The following PTCH1 variants were observed in gnomAD, a reference collection of about 807,000 sequenced individuals.
PTCH1 encodes protein patched homolog 1.
A neutral mutation model predicts 144.6 loss-of-function variants in PTCH1; 14 were observed. The ratio of observed to expected loss-of-function variants is 0.10; its 90% CI spans 0.06 to 0.15. PTCH1 has a LOEUF of 0.15. Among genes scored for constraint, PTCH1 ranks in the 10% least tolerant of loss-of-function variants. The pLI, the probability that PTCH1 is intolerant of heterozygous loss-of-function variation, is 1.00. For synonymous variants in PTCH1, 833 were observed against 793.6 expected (o/e 1.05, Z -0.83); for missense variants, 1,623 against 1,948.3 (o/e 0.83, Z 3.14).
Position 95,445,438 on chromosome 9 carries a change from T to C in PTCH1, c.*955A>G, listed in dbSNP as rs1837801722. 1 of 152,156 alleles carries C rather than the reference T, an allele frequency of 6.6e-6. No individual in the cohort carries two copies. Among genetic ancestry groups the C allele is most frequent in the Non-Finnish European group, 1.5e-5 (1 of 68,062 alleles). 9.4% of individuals were successfully genotyped at this position (152,156 alleles called of 1,614,324 possible). A position where few individuals can be genotyped will look rare whatever the true frequency, so the allele number is the denominator to read the frequency against. ...CCGAATTCTCTAACACCCACCATGA[T>C]GAACTGATGTGAGCTCCATACCCTG... On this transcript the variant is annotated 3_prime_UTR_variant, in exon 24 of 24. Transcript: ENST00000331920.
At position 95,456,430 on chromosome 9, in the gene PTCH1, A is replaced by G. The variant is rs375034864; in HGVS notation, c.3169-17T>C. On this transcript the variant is annotated splice_polypyrimidine_tract_variant and intron_variant, in intron 18 of 23. Transcript: ENST00000331920. ...GACCATCACCTGGAGCAGGGCACAC[A>G]GTGGTCAGTGGGCGGGCAGGTCACC... is the stretch of plus-strand genomic sequence containing the variant. The G allele has an allele frequency of 1.2e-6, 2 of 1,613,190 alleles. No homozygotes were observed. The highest frequency in any genetic ancestry group is 3.3e-5 in the Admixed American group (2 of 59,960).
intron 8 of PTCH1, 29 bp downstream of exon 8, chr9:95,478,971 T>C: frequency 6.2e-7 from 1 of 1,614,016 alleles, no homozygotes; most frequent in Non-Finnish European, 8.5e-7. Flanking sequence ...AACCAGCGAG[T>C]CTGCACGCCG....
upstream of PTCH1, among the ~76,000 whole-genome samples, chr9:95,511,827 T>G (rs1487100576): frequency 6.6e-6 from 1 of 152,236 alleles, no homozygotes; most frequent in Non-Finnish European, 1.5e-5. Flanking sequence ...TGGAAATTGC[T>G]TTTTAAAAAC....
Position 95,468,890 on chromosome 9 carries a change from C to T in PTCH1, c.2111G>A (p.Ser704Asn), listed in dbSNP as rs2118036795. The T allele has an allele frequency of 6.2e-7, 1 of 1,614,124 alleles. No individual in the cohort carries two copies. Among genetic ancestry groups the T allele is most frequent in the South Asian group, 1.1e-5 (1 of 91,062 alleles). The change falls in exon 14 of 24, where the codon AGC (serine) becomes AAC (asparagine). Residue 704 changes from serine to asparagine, a missense_variant. Around this residue, in one of 7 missense-constraint regions of PTCH1, gnomAD observed 179 missense variants for 165.7 expected, o/e 1.08. Coordinates refer to ENST00000331920, the MANE Select transcript of PTCH1 (RefSeq NM_000264.5). ...GAGCAGGTCCCTTGTGGAGCTGGTG[C>T]TCTCTGGGCTCTGGCAGCTGAGGGT... ...QDTLSCQSPESTSSTRDLLSQ... is the reference protein window; with the variant it reads ...QDTLSCQSPENTSSTRDLLSQ...
rs951182284 is a variant in PTCH1, at chr9:95,503,644, A to G, written c.394+2763T>C. Among the ~76,000 whole-genome samples, 6 of 152,338 alleles carry G rather than the reference A, an allele frequency of 3.9e-5. No individual in the cohort carries two copies. The East Asian group carries it at 5.8e-4, about 15-fold the overall frequency. Reference sequence around the variant, plus strand: ...AGTAGGCAAAGTAGACCTGGAGACAAACAGACAACCCATAGTTTCCCATCT... The same window carrying G: ...AGTAGGCAAAGTAGACCTGGAGACAGACAGACAACCCATAGTTTCCCATCT... On this transcript the variant is annotated intron_variant, in intron 2 of 23. Transcript: ENST00000331920.
rs1841087687 is a variant in PTCH1, at chr9:95,476,906, C to T, written c.1504-49G>A. On this transcript the variant is annotated intron_variant, in intron 10 of 23. Transcript: ENST00000331920. This position sits in a 1 kb window ranked among gnomAD's most constrained non-coding sequence, Gnocchi z 4.6. ...GGCATTAGACATGCGAGATGCAATT[C>T]AGATGATTCTAAAGCTAGTTAGGAC... 6.4e-7 allele frequency: 1 copy of T among 1,559,564 alleles called. No individual in the cohort carries two copies. The highest frequency in any genetic ancestry group is 2.3e-5 in the East Asian group (1 of 43,500).
rs970602423 is a variant in PTCH1, at chr9:95,496,910, C to G, written c.394+9497G>C. On this transcript the variant is annotated intron_variant, in intron 2 of 23. Transcript: ENST00000331920. ...GGTTGCTGGTTTCCCAGTAAAGGAG[C>G]AGAGGAAATCAGGGAGTGGGGGTGG... 5.3e-5 allele frequency among the ~76,000 whole-genome samples: 8 copies of G among 149,856 alleles called. No individual in the cohort carries two copies. In the South Asian group the frequency reaches 1.7e-3, roughly 32 times the overall value.
chr9:95,466,681 A>C (rs988499836), intron 15 of PTCH1, among the ~76,000 whole-genome samples: 1 of 152,226 alleles, frequency 6.6e-6, no homozygotes, highest in African/African-American at 2.4e-5. Context: ...TGGTCAAAAT[A>C]TGGAGTGTAA....
chr9:95,509,250 A>C lies in PTCH1; in HGVS notation c.-889T>G, dbSNP rs1212085865. On this transcript the variant is annotated 5_prime_UTR_variant, in exon 1 of 24. Transcript: ENST00000331920. ...CTCCATTTGGAGAAAGAAGAGGAGG[A>C]GGGGAGGGGAGGGGGTGGAGGGGGA... is the stretch of plus-strand genomic sequence containing the variant. Among the ~76,000 whole-genome samples the C allele has an allele frequency of 3.4e-5, 1 of 29,272 alleles. No individual in the cohort carries two copies. Among genetic ancestry groups the C allele is most frequent in the Non-Finnish European group, 6.4e-5 (1 of 15,638 alleles). 19.2% of individuals were successfully genotyped at this position (29,272 alleles called of 152,430 possible).
intron 7 of PTCH1, 149 bp downstream of exon 7, chr9:95,479,820 A>G (rs1203471702): frequency 7.7e-7 from 1 of 1,306,556 alleles, no homozygotes; most frequent in Non-Finnish European, 1.1e-6. Context: ...GTCTGCTACT[A>G]TTTCTTAATA....
chr9:95,469,495 T>C (rs1030069926), intron 13 of PTCH1, among the ~76,000 whole-genome samples: 1 of 152,214 alleles, frequency 6.6e-6, no homozygotes, highest in African/African-American at 2.4e-5. Flanking sequence ...GATGGGTGTT[T>C]TTCAATCTTG....
chr9:95,516,772 T>G (rs763511877), exon 1 of PTCH1: 23 of 1,612,338 alleles, frequency 1.4e-5, no homozygotes, highest in East Asian at 2.2e-5. Flanking sequence ...TTCGGCGGAG[T>G]GCAGCGCGGA....
At chr9:95,478,584 T>A (rs1841278262) in intron 8 of PTCH1, among the ~76,000 whole-genome samples, 1 of 152,310 alleles carries the variant, frequency 6.6e-6, no homozygotes, top group South Asian at 2.1e-4. Flanking sequence ...TGCTGGCCAC[T>A]TTTAAAAGGT....
At position 95,481,887 on chromosome 9, in the gene PTCH1, A is replaced by G. The variant is rs1191056462; in HGVS notation, c.746+62T>C. ...GAAATGGAACAAACAATGATAAGCA[A>G]CATTAGAAACACTGAGTCCTAGAGA... On this transcript the variant is annotated intron_variant, in intron 5 of 23. Transcript: ENST00000331920. 29 of 1,377,074 alleles carry G rather than the reference A, an allele frequency of 2.1e-5. No individual in the cohort carries two copies. The Admixed American group carries it at 4.6e-4, about 22-fold the overall frequency. 85.3% of individuals were successfully genotyped at this position (1,377,074 alleles called of 1,614,324 possible).
rs1838940713 is a variant in PTCH1 at position 95,456,473 on chromosome 9, A to G, written c.3169-60T>C. 2.5e-6 allele frequency: 4 copies of G among 1,596,288 alleles called. No individual in the cohort carries two copies. The East Asian group carries it at 9.0e-5, about 36-fold the overall frequency. ...AGGTCACCCTCTGGGGCTGCCCACAAGGGAGGTCGCCAGAGGGCTAAGGTG... is the reference window on the plus strand; with the variant it reads ...AGGTCACCCTCTGGGGCTGCCCACAGGGGAGGTCGCCAGAGGGCTAAGGTG... On this transcript the variant is annotated intron_variant, in intron 18 of 23. Transcript: ENST00000331920.
chr9:95,507,550 G>A (rs1359216506), intron 1 of PTCH1: 1 of 616,784 alleles, frequency 1.6e-6, no homozygotes, highest in Non-Finnish European at 2.0e-6. Context: ...AGGAGAGGCG[G>A]CTCAAAACCT....
At chr9:95,471,264 G>A (rs1840556913) in intron 12 of PTCH1, among the ~76,000 whole-genome samples, 1 of 152,326 alleles carries the variant, frequency 6.6e-6, no homozygotes, top group African/African-American at 2.4e-5. Context: ...GGAATTGTGA[G>A]TTTATGCTGA....
chr9:95,480,103 G>C lies in PTCH1; in HGVS notation c.946-13C>G, dbSNP rs200749389. The C allele has an allele frequency of 6.2e-7, 1 of 1,613,688 alleles. No individual in the cohort carries two copies. Among genetic ancestry groups the C allele is most frequent in the Non-Finnish European group, 8.5e-7 (1 of 1,180,028 alleles). ...CCATATCAAGAGGCTAAAATAAAAA[G>C]ACAGCCACATAATTATGGGAATTAG... On this transcript the variant is annotated splice_polypyrimidine_tract_variant and intron_variant, in intron 6 of 23. Transcript: ENST00000331920.
chr9:95,479,335 G>C (rs1249062360), intron 7 of PTCH1, among the ~76,000 whole-genome samples, 188 bp from the exon 8 acceptor site: 1 of 152,074 alleles, frequency 6.6e-6, no homozygotes, highest in African/African-American at 2.4e-5. Context: ...CCATATTAAA[G>C]GTATAACCTT....
Sources: gnomAD v4.1 joint callset for allele counts (sites outside exome capture counted in the v4.1 genomes callset) on GRCh38, gnomAD v4.1.1 for gene constraint, gnomAD v4.1.1 regional missense constraint, Gnocchi (gnomAD v3.1) non-coding constraint, MANE v1.5 for transcripts, NCBI Gene and HGNC (gene_info 2026-07-23, HGNC 2026-07-21) for gene names.